Variants in DCAKD observed in about 807,000 individuals in gnomAD.
The protein encoded by DCAKD is dephospho-CoA kinase domain containing.
DCAKD carries 15 observed loss-of-function variants against 18.7 expected under a neutral mutation model. That is an observed-to-expected ratio of 0.80 (90% CI 0.54 to 1.24). The LOEUF (loss-of-function observed/expected upper bound fraction) is 1.24. Among genes scored for constraint, DCAKD ranks in the 50% most tolerant of loss-of-function variants. The pLI is 0.00. For missense variants in DCAKD, 301 were observed against 322.0 expected, an observed-to-expected ratio of 0.93 and a Z score of 0.50; for synonymous variants, 130 against 133.0, an observed-to-expected ratio of 0.98 and a Z score of 0.16.
intron 1 of DCAKD, among the ~76,000 whole-genome samples, chr17:45,048,205 A>G (rs192621775): frequency 6.6e-6 from 1 of 151,756 alleles, no homozygotes; most frequent in East Asian, 1.9e-4. Flanking sequence ...CCTGGGCAAC[A>G]TAGTGAGACT....
At chr17:45,058,536 C>T (rs1485669430) in intron 1 of DCAKD, among the ~76,000 whole-genome samples, 2 of 151,908 alleles carry the variant, frequency 1.3e-5, no homozygotes, top group Admixed American at 6.6e-5. Context: ...TCTCGCGTCT[C>T]AGCCTCCCAA....
upstream of DCAKD, among the ~76,000 whole-genome samples, chr17:45,053,333 C>G (rs1183548388): frequency 6.6e-6 from 1 of 151,374 alleles, no homozygotes; most frequent in Middle Eastern, 3.2e-3. Flanking sequence ...TCTTGGCTCA[C>G]TGCAGCCTCT....
At chr17:45,053,024 G>A (rs1175872336), upstream of DCAKD, among the ~76,000 whole-genome samples, 2 of 149,240 alleles carry the variant, frequency 1.3e-5, no homozygotes, top group African/African-American at 2.5e-5. Flanking sequence ...TTAGCCGGGC[G>A]TGGTGGTGAA....
chr17:45,050,574 T>C (rs1363946851), intron 1 of DCAKD, among the ~76,000 whole-genome samples: 1 of 152,112 alleles, frequency 6.6e-6, no homozygotes, highest in Admixed American at 6.5e-5. Context: ...GTCCACTTTC[T>C]ATCCATCTAC....
intron 1 of DCAKD, among the ~76,000 whole-genome samples, chr17:45,039,567 C>A (rs372263345): frequency 6.6e-6 from 1 of 152,334 alleles, no homozygotes; most frequent in South Asian, 2.1e-4. Context: ...TCTCTGAATT[C>A]TGTGATAAAA....
At chr17:45,045,899 T>C (rs375502773) in intron 1 of DCAKD, among the ~76,000 whole-genome samples, 13,666 of 151,686 alleles carry the variant, frequency 0.09, 716 homozygotes, top group East Asian at 0.15. Context: ...GGTTTTGGCT[T>C]ACTGCAACCT....
At chr17:45,050,502 A>C (rs2053669398) in intron 1 of DCAKD, among the ~76,000 whole-genome samples, 1 of 152,074 alleles carries the variant, frequency 6.6e-6, no homozygotes, top group South Asian at 2.1e-4. Context: ...GTGAAGACAG[A>C]CAGAGGAGGA....
Position 45,034,241 on chromosome 17 carries a change from G to C in DCAKD, c.262C>G (p.His88Asp). 6.2e-7 allele frequency: 1 copy of C among 1,614,112 alleles called. No individual in the cohort carries two copies. Among genetic ancestry groups the C allele is most frequent in the Non-Finnish European group, 8.5e-7 (1 of 1,180,012 alleles). ...DRRQLLNAITHPEIRKEMMKE... is the reference protein window; with the variant it reads ...DRRQLLNAITDPEIRKEMMKE... ...ATCATCTCCTTGCGAATCTCGGGGT[G>C]GGTGATGGCGTTGAGCAGCTGCCGC... The change falls in exon 3 of 5, where the codon CAC becomes GAC. Residue 88 changes from histidine (H) to aspartate (D), a missense_variant. Transcript: ENST00000651974.
chr17:45,037,252 G>A (rs1475679356), intron 1 of DCAKD, among the ~76,000 whole-genome samples: 1 of 152,044 alleles, frequency 6.6e-6, no homozygotes, highest in Non-Finnish European at 1.5e-5. Flanking sequence ...GATTGCTTGA[G>A]ACCAGGAGTT....
intron 4 of DCAKD, among the ~76,000 whole-genome samples, chr17:45,025,069 T>G (rs1223399317): frequency 6.8e-6 from 1 of 146,548 alleles, no homozygotes; most frequent in African/African-American, 2.5e-5. Context: ...AGACCTGACA[T>G]TCCCCAGTCA....
upstream of DCAKD, among the ~76,000 whole-genome samples, chr17:45,056,114 CA>C (rs2053776651): frequency 6.6e-6 from 1 of 150,382 alleles, no homozygotes; most frequent in Non-Finnish European, 1.5e-5. Context: ...GAGATTGCAC[CA>C]TTGCACTCCA....
chr17:45,040,446 G>A (rs1220065895), intron 1 of DCAKD, among the ~76,000 whole-genome samples: 1 of 151,452 alleles, frequency 6.6e-6, no homozygotes, highest in Non-Finnish European at 1.5e-5. Context: ...TACTGTTGGT[G>A]GCCTGGGAAT....
chr17:45,057,547 C>G (rs955288528), intron 1 of DCAKD, among the ~76,000 whole-genome samples: 5 of 148,212 alleles, frequency 3.4e-5, no homozygotes, highest in Non-Finnish European at 7.5e-5. Context: ...TACTAAAATA[C>G]AAAAAATTAG....
In DCAKD at chr17:45,034,966, TG is replaced by T; in HGVS notation, c.-82del. The T allele has an allele frequency of 1.4e-6, 2 of 1,467,508 alleles. No individual in the cohort carries two copies. Among genetic ancestry groups the T allele is most frequent in the Non-Finnish European group, 1.9e-6 (2 of 1,063,320 alleles). 90.9% of individuals were successfully genotyped at this position (1,467,508 alleles called of 1,614,324 possible). ...TGGAGAGCAGGGCAAGTGTGGCCGA[TG>T]GGGGCGGTCCACCAGAGGAGTGCCA... On this transcript the variant is annotated 5_prime_UTR_variant, in exon 2 of 5. The change creates a premature stop within an existing upstream ORF in the 5' untranslated region. Coordinates refer to ENST00000651974, the MANE Select transcript of DCAKD (RefSeq NM_001288655.2).
At chr17:45,058,831 C>T (rs918051424) in intron 1 of DCAKD, among the ~76,000 whole-genome samples, 1 of 152,186 alleles carries the variant, frequency 6.6e-6, no homozygotes, top group East Asian at 1.9e-4. Context: ...AGTGTGGTGA[C>T]AGCTCTCAGA....
At chr17:45,048,951 G>A (rs922789652) in intron 1 of DCAKD, among the ~76,000 whole-genome samples, 23 of 150,962 alleles carry the variant, frequency 1.5e-4, no homozygotes, top group Non-Finnish European at 2.5e-4. Context: ...GCATGGTGGC[G>A]AAAGCCTGCA....
intron 4 of DCAKD, 91 bp downstream of exon 4, chr17:45,030,001 G>A (rs756594809): frequency 9.3e-4 from 1,143 of 1,230,400 alleles, no homozygotes; most frequent in Non-Finnish European, 1.3e-3. Context: ...TGGCCGCCCC[G>A]TGGGGAAAGG....
intron 1 of DCAKD, among the ~76,000 whole-genome samples, chr17:45,046,997 G>T (rs1157128103): frequency 6.6e-6 from 1 of 152,048 alleles, no homozygotes; most frequent in Non-Finnish European, 1.5e-5. Flanking sequence ...TGAGTCAGGT[G>T]GTTTCTAAAC....
At chr17:45,057,084 T>C (rs886384031) in intron 1 of DCAKD, among the ~76,000 whole-genome samples, 1 of 152,022 alleles carries the variant, frequency 6.6e-6, no homozygotes, top group Non-Finnish European at 1.5e-5. Flanking sequence ...CCTATTTATA[T>C]AGAGACGGGG....
Sources: allele counts gnomAD v4.1 joint callset (sites outside exome capture counted in the v4.1 genomes callset), GRCh38; gene constraint gnomAD v4.1.1; transcripts MANE v1.5; gene names NCBI Gene and HGNC (gene_info 2026-07-23, HGNC 2026-07-21).